Variants in FAM229A observed in about 807,000 individuals in gnomAD.
The protein encoded by FAM229A is protein FAM229A.
FAM229A carries 9 observed loss-of-function variants against 10.0 expected under a neutral mutation model. That is an observed-to-expected ratio of 0.90 (90% CI 0.54 to 1.56). FAM229A has a LOEUF of 1.56. Among genes scored for constraint, FAM229A ranks in the 40% most tolerant of loss-of-function variants. FAM229A has a pLI of 0.00. For synonymous variants in FAM229A, 93 were observed against 90.1 expected (o/e 1.03, Z -0.19); for missense variants, 196 against 197.6 (o/e 0.99, Z 0.05).
At chr1:32,361,897 A>AGGCCTCTCCCGGGTCGCCG in intron 1 of FAM229A, 21 bp from the exon 2 acceptor site, 1 of 1,360,684 alleles carries the variant, frequency 7.3e-7, no homozygotes, top group South Asian at 1.7e-5. Flanking sequence ...AGTGGCGGTC[A>AGGCCTCTCCCGGGTCGCCG]GGCCTCTCCC....
chr1:32,361,601 C>G, intron 2 of FAM229A, 66 bp from the exon 3 acceptor site: 1 of 1,263,020 alleles, frequency 7.9e-7, no homozygotes, highest in Non-Finnish European at 1.0e-6. Context: ...TGGGGCGCAC[C>G]CAGGGAGTGC....
Position 32,362,003 on chromosome 1 carries a change from G to T in FAM229A, c.89C>A (p.Ala30Asp), listed in dbSNP as rs1293730465. Residue 30 changes from alanine to aspartate, a missense_variant, in exon 1 of 3, where the codon GCT (alanine) becomes GAT (aspartate). Ala to Asp is a moderately radical substitution (Grantham distance 126). Coordinates refer to ENST00000432622, the MANE Select transcript of FAM229A (RefSeq NM_001167676.2). ...TCCCAGGCTAGAAGCAGCTGCCGGA[G>T]CCCTGGCCGCGGGAGAACGCTCCGG... ...PGPERSPAARAPAAASSLGPV... is the reference protein window; with the variant it reads ...PGPERSPAARDPAAASSLGPV... 3.4e-6 allele frequency: 5 copies of T among 1,485,522 alleles called. No homozygotes were observed. The East Asian group carries it at 1.2e-4, about 35-fold the overall frequency. The allele number at this position is 1,485,522 out of a possible 1,614,324, so 92.0% of individuals were successfully genotyped here.
Position 32,361,388 on chromosome 1 carries a change from CTCGT to C in FAM229A, c.*41_*44del. 8.6e-7 allele frequency: 1 copy of C among 1,157,180 alleles called. No homozygotes were observed. The highest frequency in any genetic ancestry group is 1.1e-6 in the Non-Finnish European group (1 of 905,354). The allele number at this position is 1,157,180 out of a possible 1,614,324, so 71.7% of individuals were successfully genotyped here. On this transcript the variant is annotated 3_prime_UTR_variant, in exon 3 of 3. Coordinates refer to ENST00000432622, the MANE Select transcript of FAM229A (RefSeq NM_001167676.2). ...CTCAGCGTGGTGGCCCGCTGGGGGC[CTCGT>C]TCCCGCCCAGCTCCCGCGGAGCCGC...
rs546752875 is a variant in FAM229A, at chr1:32,361,477, C to T, written c.340G>A (p.Val114Ile). 4 of 1,382,354 alleles carry T rather than the reference C, an allele frequency of 2.9e-6. No individual in the cohort carries two copies. In the African/African-American group the frequency reaches 6.1e-5, roughly 21 times the overall value. 85.6% of individuals were successfully genotyped at this position (1,382,354 alleles called of 1,614,324 possible). ...CLTLLHVPIDVYLAMGGSPRA... is the reference protein window; with the variant it reads ...CLTLLHVPIDIYLAMGGSPRA... The stretch of plus-strand genomic sequence containing the variant: ...GGGCTCCCGCCCATGGCGAGGTAGA[C>T]GTCGATGGGCACGTGCAGCAGCGTC... The change falls in exon 3 of 3, where the codon GTC (valine) becomes ATC (isoleucine). Residue 114 changes from valine to isoleucine, a missense_variant. Physicochemically the swap from Val to Ile is conservative, Grantham distance 29. Transcript: ENST00000432622.
Position 32,361,760 on chromosome 1 carries a change from T to A in FAM229A, c.251A>T (p.Glu84Val). 6 of 1,315,532 alleles carry A rather than the reference T, an allele frequency of 4.6e-6. No homozygotes were observed. Among genetic ancestry groups the A allele is most frequent in the Non-Finnish European group, 5.8e-6 (6 of 1,033,942 alleles). 81.5% of individuals were successfully genotyped at this position (1,315,532 alleles called of 1,614,324 possible). A position where few individuals can be genotyped will look rare whatever the true frequency, so the allele number is the denominator to read the frequency against. ...CGGGTTGTGCTCCGTCGCTACCGCC[T>A]CCGGGCTGTCCTGGGACTCGGGGGC... ...AAAPESQDSPEAVATEHNPVR... is the reference protein window; with the variant it reads ...AAAPESQDSPVAVATEHNPVR... Residue 84 changes from glutamate (E) to valine (V), a missense_variant, in exon 2 of 3, where the codon GAG becomes GTG. Coordinates refer to ENST00000432622, the MANE Select transcript of FAM229A (RefSeq NM_001167676.2).
chr1:32,362,279 G>T lies in FAM229A; in HGVS notation c.-188C>A. ...CACCCGAGGGGGGCGCAGCAGGCCA[G>T]GGCAACCCGCCGCGAGGCGGCGTCC... On this transcript the variant is annotated 5_prime_UTR_variant, in exon 1 of 3. In the 5' UTR this introduces an upstream ATG that the reference lacks. Transcript: ENST00000432622. The T allele has an allele frequency of 1.2e-6, 1 of 804,314 alleles. No homozygotes were observed. Among genetic ancestry groups the T allele is most frequent in the East Asian group, 3.3e-5 (1 of 30,616 alleles). The allele number at this position is 804,314 out of a possible 1,614,324, so 49.8% of individuals were successfully genotyped here.
Position 32,361,544 on chromosome 1 carries a change from AT to A in FAM229A, c.282-10del. 7.5e-7 allele frequency: 1 copy of A among 1,335,828 alleles called. No homozygotes were observed. The highest frequency in any genetic ancestry group is 9.6e-7 in the Non-Finnish European group (1 of 1,041,880). The allele number at this position is 1,335,828 out of a possible 1,614,324, so 82.7% of individuals were successfully genotyped here. A position where few individuals can be genotyped will look rare whatever the true frequency, so the allele number is the denominator to read the frequency against. On this transcript the variant is annotated splice_polypyrimidine_tract_variant and intron_variant, in intron 2 of 2. Coordinates refer to ENST00000432622, the MANE Select transcript of FAM229A (RefSeq NM_001167676.2). ...GGCAGCGACGAAGCGGCCTGGGGAA[AT>A]TGACGCGCGACAGGGGCCGCTGAGG... is the stretch of plus-strand genomic sequence containing the variant.
rs1641715722 is a variant in FAM229A at position 32,362,219 on chromosome 1, A to G, written c.-128T>C. On this transcript the variant is annotated 5_prime_UTR_variant, in exon 1 of 3. The change abolishes an upstream ATG in the 5' untranslated region. Transcript: ENST00000432622. Reference sequence around the variant, plus strand: ...AATCGGGGACTGGAGGCCTCTGGCCATGGCGCCTGGAGACGGGGTCGCGCA... The same window carrying G: ...AATCGGGGACTGGAGGCCTCTGGCCGTGGCGCCTGGAGACGGGGTCGCGCA... 4 of 1,222,412 alleles carry G rather than the reference A, an allele frequency of 3.3e-6. No homozygotes were observed. The highest frequency in any genetic ancestry group is 4.1e-6 in the Non-Finnish European group (4 of 965,282). The allele number at this position is 1,222,412 out of a possible 1,614,324, so 75.7% of individuals were successfully genotyped here.
rs982602204 is a variant in FAM229A at position 32,361,532 on chromosome 1, C to T, written c.285G>A (p.Pro95=). 3.0e-6 allele frequency: 4 copies of T among 1,345,142 alleles called. No homozygotes were observed. The highest frequency in any genetic ancestry group is 3.8e-5 in the Admixed American group (1 of 26,174). 83.3% of individuals were successfully genotyped at this position (1,345,142 alleles called of 1,614,324 possible). A position where few individuals can be genotyped will look rare whatever the true frequency, so the allele number is the denominator to read the frequency against. ...AVATEHNPVR[P]LRRCPGCHCL... Reference sequence around the variant, plus strand: ...AGTGGCATCCAGGGCAGCGACGAAGCGGCCTGGGGAAATTGACGCGCGACA... The same window carrying T: ...AGTGGCATCCAGGGCAGCGACGAAGTGGCCTGGGGAAATTGACGCGCGACA... The change falls in exon 3 of 3, where the codon CCG becomes CCA. Residue 95 remains proline (P), a synonymous_variant. Transcript: ENST00000432622.
intron 2 of FAM229A, 65 bp from the exon 3 acceptor site, chr1:32,361,600 C>T: frequency 7.9e-7 from 1 of 1,267,892 alleles, no homozygotes; most frequent in African/African-American, 1.6e-5. Flanking sequence ...GTGGGGCGCA[C>T]CCAGGGAGTG....
Position 32,362,167 on chromosome 1 carries a change from CCGCCCCTGG to C in FAM229A, c.-85_-77del, listed in dbSNP as rs1441021705. ...GGAGAACCCCCAACGGTGCCCCCTG[CCGCCCCTGG>C]CACTCAGCGCGGGCCAGAATCGGGG... On this transcript the variant is annotated 5_prime_UTR_variant, in exon 1 of 3. Transcript: ENST00000432622. The C allele has an allele frequency of 3.1e-6, 4 of 1,297,364 alleles. No individual in the cohort carries two copies. The East Asian group carries it at 9.4e-5, about 30-fold the overall frequency. 80.4% of individuals were successfully genotyped at this position (1,297,364 alleles called of 1,614,324 possible). A position where few individuals can be genotyped will look rare whatever the true frequency, so the allele number is the denominator to read the frequency against.
chr1:32,361,804 G>A lies in FAM229A; in HGVS notation c.207C>T (p.Asp69=). 1 of 1,329,414 alleles carries A rather than the reference G, an allele frequency of 7.5e-7. No homozygotes were observed. Among genetic ancestry groups the A allele is most frequent in the Non-Finnish European group, 9.6e-7 (1 of 1,042,890 alleles). 82.4% of individuals were successfully genotyped at this position (1,329,414 alleles called of 1,614,324 possible). A position where few individuals can be genotyped will look rare whatever the true frequency, so the allele number is the denominator to read the frequency against. Residue 69 remains aspartate, a synonymous_variant, in exon 2 of 3, where the codon GAC becomes GAT. Transcript: ENST00000432622. The stretch of plus-strand genomic sequence containing the variant: ...CGGGGGCGGCGGCAAGGCCACGGGA[G>A]TCTCCGGCCTCAATGGGGAATCTCC... The part of the protein sequence containing the change: ...QGRRFPIEAG[D]SRGLAAAPES...
rs997801486 is a variant in FAM229A at position 32,361,577 on chromosome 1, C to T, written c.282-42G>A. The T allele has an allele frequency of 3.9e-6, 5 of 1,295,356 alleles. No individual in the cohort carries two copies. In the East Asian group the frequency reaches 9.4e-5, roughly 24 times the overall value. The allele number at this position is 1,295,356 out of a possible 1,614,324, so 80.2% of individuals were successfully genotyped here. On this transcript the variant is annotated intron_variant, in intron 2 of 2. Coordinates refer to ENST00000432622, the MANE Select transcript of FAM229A (RefSeq NM_001167676.2). ...GCGACAGGGGCCGCTGAGGCAGGGG[C>T]TTGGCCCATCCTGTGGGGCGCACCC...
In FAM229A at chr1:32,362,443, G is replaced by C. The variant is rs192100212; in HGVS notation, c.-352C>G. ...GCTGAGTTTGGTGGTGGTAGTGAGG[G>C]CAGGTAGGGGCACTGCCCATTTTGG... is the stretch of plus-strand genomic sequence containing the variant. On this transcript the variant is annotated 5_prime_UTR_variant, in exon 1 of 3. Coordinates refer to ENST00000432622, the MANE Select transcript of FAM229A (RefSeq NM_001167676.2). The C allele has an allele frequency of 3.9e-6, 2 of 519,446 alleles. No homozygotes were observed. Among genetic ancestry groups the C allele is most frequent in the Non-Finnish European group, 6.8e-6 (2 of 296,296 alleles). 32.2% of individuals were successfully genotyped at this position (519,446 alleles called of 1,614,324 possible).
In FAM229A at chr1:32,362,101, G is replaced by C; in HGVS notation, c.-10C>G. Reference sequence around the variant, plus strand: ...TCGAGGAGGGCAGCATTGTGACCCGGGCCGCGGCGCGCTGACCTCACAGAG... The same window carrying C: ...TCGAGGAGGGCAGCATTGTGACCCGCGCCGCGGCGCGCTGACCTCACAGAG... On this transcript the variant is annotated 5_prime_UTR_variant, in exon 1 of 3. Coordinates refer to ENST00000432622, the MANE Select transcript of FAM229A (RefSeq NM_001167676.2). The C allele has an allele frequency of 2.9e-6, 4 of 1,374,044 alleles. 1 individual carries two copies. In the South Asian group the frequency reaches 6.5e-5, roughly 22 times the overall value. 85.1% of individuals were successfully genotyped at this position (1,374,044 alleles called of 1,614,324 possible).
chr1:32,361,403 C>A lies in FAM229A; in HGVS notation c.*30G>T. On this transcript the variant is annotated 3_prime_UTR_variant, in exon 3 of 3. Coordinates refer to ENST00000432622, the MANE Select transcript of FAM229A (RefSeq NM_001167676.2). ...CGCTGGGGGCCTCGTTCCCGCCCAG[C>A]TCCCGCGGAGCCGCAGGGAGCAGGC... is the stretch of plus-strand genomic sequence containing the variant. 2 of 1,248,162 alleles carry A rather than the reference C, an allele frequency of 1.6e-6. No homozygotes were observed. 77.3% of individuals were successfully genotyped at this position (1,248,162 alleles called of 1,614,324 possible). A position where few individuals can be genotyped will look rare whatever the true frequency, so the allele number is the denominator to read the frequency against.
Position 32,361,609 on chromosome 1 carries a change from T to C in FAM229A, c.282-74A>G. On this transcript the variant is annotated intron_variant, in intron 2 of 2. Transcript: ENST00000432622. ...CATCCTGTGGGGCGCACCCAGGGAGTGCACCTGGGGTCCCCGGGGGTCCGG... is the reference window on the plus strand; with the variant it reads ...CATCCTGTGGGGCGCACCCAGGGAGCGCACCTGGGGTCCCCGGGGGTCCGG... 3 of 1,244,132 alleles carry C rather than the reference T, an allele frequency of 2.4e-6. No homozygotes were observed. The South Asian group carries it at 7.6e-5, about 32-fold the overall frequency. 77.1% of individuals were successfully genotyped at this position (1,244,132 alleles called of 1,614,324 possible).
In FAM229A at chr1:32,362,288, G is replaced by A. The variant is rs568107692; in HGVS notation, c.-197C>T. On this transcript the variant is annotated 5_prime_UTR_variant, in exon 1 of 3. Transcript: ENST00000432622. ...GGGGCGCAGCAGGCCAGGGCAACCC[G>A]CCGCGAGGCGGCGTCCACGCCGAGG... 5.4e-4 allele frequency: 384 copies of A among 705,590 alleles called. 2 individuals carry two copies. In the African/African-American group the frequency reaches 6.5e-3, roughly 12 times the overall value. 43.7% of individuals were successfully genotyped at this position (705,590 alleles called of 1,614,324 possible). A position where few individuals can be genotyped will look rare whatever the true frequency, so the allele number is the denominator to read the frequency against.
At position 32,361,434 on chromosome 1, in the gene FAM229A, C is replaced by G. The variant is rs1190176327; in HGVS notation, c.383G>C (p.Ter128SerextTer23). The change falls in exon 3 of 3, where the codon TGA becomes TCA. Residue 128 changes from the stop codon to serine, a stop_lost. Coordinates refer to ENST00000432622, the MANE Select transcript of FAM229A (RefSeq NM_001167676.2). ...CGGAGCCGCAGGGAGCAGGCGCACT[C>G]ACGTGGCGCGGGCCCGGGGGCTCCC... ...MGGSPRARAT[*>S] is the part of the protein sequence containing the mutation. The G allele has an allele frequency of 7.5e-7, 1 of 1,340,172 alleles. No individual in the cohort carries two copies. The highest frequency in any genetic ancestry group is 9.6e-7 in the Non-Finnish European group (1 of 1,044,714). The allele number at this position is 1,340,172 out of a possible 1,614,324, so 83.0% of individuals were successfully genotyped here.
Sources: allele counts gnomAD v4.1 joint callset, GRCh38; gene constraint gnomAD v4.1.1; transcripts MANE v1.5; gene names NCBI Gene and HGNC (gene_info 2026-07-23, HGNC 2026-07-21).